Variants in KLHL1 observed in about 807,000 individuals in gnomAD.
The protein encoded by KLHL1 is kelch like family member 1.
KLHL1 carries 47 observed loss-of-function variants against 77.7 expected under a neutral mutation model. That is an observed-to-expected ratio of 0.60 (90% CI 0.48 to 0.77). KLHL1 has a LOEUF of 0.77. KLHL1 is among the 30% of genes least tolerant of loss of function. The pLI, the probability that KLHL1 is intolerant of heterozygous loss-of-function variation, is 0.00. For missense variants in KLHL1, 925 were observed against 910.8 expected, an observed-to-expected ratio of 1.02 and a Z score of -0.20; for synonymous variants, 360 against 325.2, an observed-to-expected ratio of 1.11 and a Z score of -1.15.
chr13:69,740,518 C>T lies in KLHL1; in HGVS notation c.1678G>A (p.Gly560Ser). 2 of 1,612,408 alleles carry T rather than the reference C, an allele frequency of 1.2e-6. No homozygotes were observed. The highest frequency in any genetic ancestry group is 1.7e-6 in the Non-Finnish European group (2 of 1,178,802). Reference sequence around the variant, plus strand: ...TTCAGATAGCTCCAGCCATCATGGCCTCCCACAGCATAAATAGGGCCTTCA... The same window carrying T: ...TTCAGATAGCTCCAGCCATCATGGCTTCCCACAGCATAAATAGGGCCTTCA... ...VLEGPIYAVG[G>S]HDGWSYLNTV... The change falls in exon 8 of 11, where the codon GGC becomes AGC. Residue 560 changes from glycine (G) to serine (S), a missense_variant. Physicochemically the swap from Gly to Ser is moderately conservative, Grantham distance 56. Coordinates refer to ENST00000377844, the MANE Select transcript of KLHL1 (RefSeq NM_020866.3).
At chr13:69,813,505 T>TAC (rs1219083151) in intron 6 of KLHL1, among the ~76,000 whole-genome samples, 5 of 113,528 alleles carry the variant, frequency 4.4e-5, no homozygotes, top group Non-Finnish European at 9.5e-5. Flanking sequence ...CACACACACA[T>TAC]ATATATATAT....
chr13:69,875,223 TAAGTAA>T (rs1288004927), intron 5 of KLHL1, among the ~76,000 whole-genome samples: 1 of 152,028 alleles, frequency 6.6e-6, no homozygotes, highest in Non-Finnish European at 1.5e-5. Flanking sequence ...GAATGATGGT[TAAGTAA>T]AAGTACATTT....
intron 1 of KLHL1, among the ~76,000 whole-genome samples, chr13:70,049,604 T>C (rs1299189660): frequency 6.6e-6 from 1 of 152,296 alleles, no homozygotes; most frequent in African/African-American, 2.4e-5. Context: ...TCCTATAAAC[T>C]TATAATAGTT....
chr13:69,806,806 T>C (rs759645114), intron 6 of KLHL1, among the ~76,000 whole-genome samples: 75 of 152,046 alleles, frequency 4.9e-4, no homozygotes, highest in Admixed American at 3.5e-3. Flanking sequence ...ATTTTGAGAG[T>C]GCAGATACTG....
At chr13:69,749,825 A>G (rs1874394439) in intron 7 of KLHL1, among the ~76,000 whole-genome samples, 1 of 151,976 alleles carries the variant, frequency 6.6e-6, no homozygotes, top group Non-Finnish European at 1.5e-5. Flanking sequence ...GTTCTGAAAA[A>G]GAAATTATTA....
At chr13:69,826,958 A>C (rs1398272527) in intron 6 of KLHL1, among the ~76,000 whole-genome samples, 1 of 151,758 alleles carries the variant, frequency 6.6e-6, no homozygotes, top group Non-Finnish European at 1.5e-5. Flanking sequence ...TTTTGTCTAG[A>C]AAAATTTTCT....
chr13:69,719,712 A>G (rs887534150), intron 8 of KLHL1, 131 bp from the exon 9 acceptor site: 26 of 656,472 alleles, frequency 4.0e-5, no homozygotes, highest in Non-Finnish European at 6.4e-5. Context: ...TTGCAGGGAG[A>G]TTTTGTTAAA....
At chr13:69,779,030 C>A (rs566368518) in intron 7 of KLHL1, among the ~76,000 whole-genome samples, 19 of 152,102 alleles carry the variant, frequency 1.2e-4, no homozygotes, top group African/African-American at 4.3e-4. Flanking sequence ...CATCTCCTGA[C>A]CTCATGATCA....
chr13:69,964,906 C>T (rs1884169128), intron 2 of KLHL1, among the ~76,000 whole-genome samples: 2 of 151,904 alleles, frequency 1.3e-5, no homozygotes, highest in Non-Finnish European at 2.9e-5. Flanking sequence ...TAACATTCTC[C>T]TGCATTTTCT....
intron 4 of KLHL1, among the ~76,000 whole-genome samples, chr13:69,912,145 C>CAT (rs1882259551): frequency 6.6e-6 from 1 of 152,080 alleles, no homozygotes; most frequent in Non-Finnish European, 1.5e-5. Context: ...GGTGATCATC[C>CAT]ATATATATAA....
chr13:69,839,194 G>A lies in KLHL1; in HGVS notation c.1228-32C>T, dbSNP rs867694210. 4 of 1,410,440 alleles carry A rather than the reference G, an allele frequency of 2.8e-6. No individual in the cohort carries two copies. In the Middle Eastern group the frequency reaches 5.8e-4, roughly 204 times the overall value. 87.4% of individuals were successfully genotyped at this position (1,410,440 alleles called of 1,614,324 possible). On this transcript the variant is annotated intron_variant, in intron 5 of 10. Coordinates refer to ENST00000377844, the MANE Select transcript of KLHL1 (RefSeq NM_020866.3). ...ATAATACACAATAGCTGTTAATAAT[G>A]TTTTCAAAGAGATGAACATTATGTC...
intron 4 of KLHL1, among the ~76,000 whole-genome samples, chr13:69,934,962 GTA>G (rs67195697): frequency 0.091 from 11,799 of 129,636 alleles, 586 homozygotes; most frequent in Non-Finnish European, 0.11. Context: ...GTGTGCATGT[GTA>G]TATATATATA....
At chr13:70,057,096 A>G (rs1170024343) in intron 1 of KLHL1, among the ~76,000 whole-genome samples, 1 of 152,154 alleles carries the variant, frequency 6.6e-6, no homozygotes, top group East Asian at 1.9e-4. Context: ...TTAGAGATAA[A>G]AAAACATTAC....
intron 1 of KLHL1, among the ~76,000 whole-genome samples, chr13:70,084,932 AGGT>A (rs1887496856): frequency 6.6e-6 from 1 of 152,112 alleles, no homozygotes; most frequent in Admixed American, 6.5e-5. Context: ...CAAATTCTTC[AGGT>A]ACTTTTTGGA....
At chr13:69,942,498 T>C (rs944137646) in intron 3 of KLHL1, among the ~76,000 whole-genome samples, 2 of 152,108 alleles carry the variant, frequency 1.3e-5, no homozygotes, top group African/African-American at 2.4e-5. Flanking sequence ...TAAAAAGTTA[T>C]CTGCTTTCAA....
intron 4 of KLHL1, among the ~76,000 whole-genome samples, chr13:69,939,340 C>CATATATATATATATATAT (rs34074889): frequency 2.3e-4 from 14 of 60,836 alleles, no homozygotes; most frequent in East Asian, 1.0e-3. Context: ...CATATACATA[C>CATATATATATATATATAT]ATATATATAT....
chr13:70,099,161 CAATTT>C (rs900403595), intron 1 of KLHL1, among the ~76,000 whole-genome samples: 9 of 151,830 alleles, frequency 5.9e-5, no homozygotes, highest in East Asian at 3.9e-4. Context: ...TTAAGTTTTA[CAATTT>C]AATAATACAA....
chr13:70,079,648 AT>A (rs1418576329), intron 1 of KLHL1, among the ~76,000 whole-genome samples: 1 of 152,186 alleles, frequency 6.6e-6, no homozygotes, highest in Non-Finnish European at 1.5e-5. Context: ...GATTATTATA[AT>A]GATTATAATA....
intron 4 of KLHL1, among the ~76,000 whole-genome samples, chr13:69,915,878 A>T (rs1398741412): frequency 1.3e-5 from 2 of 152,142 alleles, no homozygotes; most frequent in South Asian, 2.1e-4. Flanking sequence ...ATCTACAATG[A>T]ACTCAAACAA....
Sources: gnomAD v4.1 joint callset for allele counts (sites outside exome capture counted in the v4.1 genomes callset) on GRCh38, gnomAD v4.1.1 for gene constraint, MANE v1.5 for transcripts, NCBI Gene and HGNC (gene_info 2026-07-23, HGNC 2026-07-21) for gene names.